Variants in TXNRD1 observed in about 807,000 individuals in gnomAD.
TXNRD1 encodes the protein thioredoxin reductase 1.
A neutral mutation model predicts 80.3 loss-of-function variants in TXNRD1; 57 were observed. That is an observed-to-expected ratio of 0.71 (90% confidence interval 0.57 to 0.89). The LOEUF is 0.89. TXNRD1 is among the 40% of genes least tolerant of loss of function. TXNRD1 has a pLI of 0.00. For synonymous variants in TXNRD1, 291 were observed against 285.2 expected, an observed-to-expected ratio of 1.02 and a Z score of -0.20; for missense variants, 730 against 803.0, an observed-to-expected ratio of 0.91 and a Z score of 1.10.
At chr12:104,281,405 T>TA (rs1565875858) in intron 3 of TXNRD1, among the ~76,000 whole-genome samples, 7 of 77,006 alleles carry the variant, frequency 9.1e-5, no homozygotes, top group African/African-American at 2.3e-4. Flanking sequence ...TCCACTTTTT[T>TA]TTTTTTTTTT....
intron 1 of TXNRD1, among the ~76,000 whole-genome samples, chr12:104,240,220 G>A (rs1049456809): frequency 1.3e-5 from 2 of 152,182 alleles, no homozygotes; most frequent in Non-Finnish European, 2.9e-5. Context: ...GTGTGTGTGA[G>A]AAACAGAAAA....
Position 104,323,633 on chromosome 12 carries a change from A to ACC in TXNRD1, c.1216-1698_1216-1697dup, listed in dbSNP as rs545096577. On this transcript the variant is annotated intron_variant, in intron 10 of 16. Transcript: ENST00000525566. ...GGCGGCTGGCCGGGCAGGGGGGCTG[A>ACC]CCCCCCCACCTCCCTCCCGGACGGG... Among the ~76,000 whole-genome samples, 2 of 17,882 alleles carry ACC rather than the reference A, an allele frequency of 1.1e-4. 1 individual carries two copies. Among genetic ancestry groups the ACC allele is most frequent in the Admixed American group, 8.8e-4 (2 of 2,282 alleles). 11.7% of individuals were successfully genotyped at this position (17,882 alleles called of 152,430 possible). A position where few individuals can be genotyped will look rare whatever the true frequency, so the allele number is the denominator to read the frequency against.
chr12:104,279,491 A>C (rs1005018676), intron 3 of TXNRD1, among the ~76,000 whole-genome samples: 2 of 152,066 alleles, frequency 1.3e-5, no homozygotes, highest in African/African-American at 4.8e-5. Context: ...GATTGAGGAG[A>C]AGTTTGGGTG....
In TXNRD1 at chr12:104,321,319, A is replaced by G; in HGVS notation, c.1215+3A>G. On this transcript the variant is annotated splice_donor_region_variant and intron_variant, in intron 10 of 16. Transcript: ENST00000525566. ...TAAGACAGTTCGTACCAATTAAAGT[A>G]AGTGGGTTTGCCTGTAGGTTTCTTG... is the stretch of plus-strand genomic sequence containing the variant. 4 of 1,612,822 alleles carry G rather than the reference A, an allele frequency of 2.5e-6. No homozygotes were observed. The highest frequency in any genetic ancestry group is 2.5e-6 in the Non-Finnish European group (3 of 1,178,846).
chr12:104,323,465 C>T (rs1687200581), intron 10 of TXNRD1, among the ~76,000 whole-genome samples: 1 of 145,700 alleles, frequency 6.9e-6, no homozygotes, highest in African/African-American at 2.5e-5. Context: ...TCCTCACTTC[C>T]CAGTAGGGGC....
intron 6 of TXNRD1, among the ~76,000 whole-genome samples, chr12:104,314,738 C>CTTTTTTTT (rs11330431): frequency 3.9e-5 from 4 of 103,662 alleles, no homozygotes; most frequent in Non-Finnish European, 7.5e-5. Flanking sequence ...AAATTTTTTT[C>CTTTTTTTT]TTTTTTTTTT....
intron 4 of TXNRD1, among the ~76,000 whole-genome samples, chr12:104,307,358 G>C (rs1160519811): frequency 2.0e-5 from 3 of 152,232 alleles, no homozygotes; most frequent in African/African-American, 7.2e-5. Context: ...GGGAAGCTCA[G>C]CGGAGGACAC....
chr12:104,298,294 G>A (rs2034500109), intron 4 of TXNRD1, among the ~76,000 whole-genome samples: 3 of 152,108 alleles, frequency 2.0e-5, no homozygotes, highest in Non-Finnish European at 2.9e-5. Flanking sequence ...ACCCTTCAAA[G>A]TGTTACTGTA....
At chr12:104,346,031 A>G in intron 16 of TXNRD1, 4 of 1,279,460 alleles carry the variant, frequency 3.1e-6, no homozygotes, top group Non-Finnish European at 4.1e-6. Flanking sequence ...TTTTTCATTT[A>G]TTTGAGATAG....
chr12:104,254,644 A>AAATATATATATATATATATAT, intron 2 of TXNRD1, among the ~76,000 whole-genome samples: 73 of 93,606 alleles, frequency 7.8e-4, no homozygotes, highest in Non-Finnish European at 1.3e-3. Flanking sequence ...AAAAAAAAAA[A>AAATATATATATATATATATAT]ATATATATAT....
chr12:104,304,487 C>CG (rs2034798929), intron 4 of TXNRD1: 2 of 1,613,906 alleles, frequency 1.2e-6, no homozygotes, highest in East Asian at 4.5e-5. Context: ...ACCAAAGCCC[C>CG]GACTTGAACA....
chr12:104,314,427 A>C (rs2035243023), intron 6 of TXNRD1, among the ~76,000 whole-genome samples: 1 of 152,200 alleles, frequency 6.6e-6, no homozygotes, highest in African/African-American at 2.4e-5. Context: ...TCTGTGTCAG[A>C]CACTGCTCTT....
At chr12:104,346,746 T>G (rs1233944936) in intron 16 of TXNRD1, among the ~76,000 whole-genome samples, 1 of 152,184 alleles carries the variant, frequency 6.6e-6, no homozygotes, top group Non-Finnish European at 1.5e-5. Context: ...ATAAGAGTGC[T>G]AATTAAAATG....
intron 4 of TXNRD1, chr12:104,304,626 A>C (rs749111044): frequency 3.1e-6 from 5 of 1,613,890 alleles, no homozygotes; most frequent in Non-Finnish European, 4.2e-6. Flanking sequence ...TTGCAAACCT[A>C]CTTTCGAAAG....
At chr12:104,247,971 G>A (rs1181826776) in intron 1 of TXNRD1, among the ~76,000 whole-genome samples, 1 of 152,186 alleles carries the variant, frequency 6.6e-6, no homozygotes. Flanking sequence ...TTGGCCTAGT[G>A]ACCCCAGATG....
At chr12:104,227,856 A>G (rs764502235) in intron 1 of TXNRD1, among the ~76,000 whole-genome samples, 17 of 152,212 alleles carry the variant, frequency 1.1e-4, no homozygotes, top group Admixed American at 5.9e-4. Flanking sequence ...ATGTGTATCT[A>G]TAGTTTACTT....
chr12:104,312,218 G>A (rs2035163898), intron 5 of TXNRD1, among the ~76,000 whole-genome samples: 1 of 152,212 alleles, frequency 6.6e-6, no homozygotes, highest in South Asian at 2.1e-4. Flanking sequence ...TTTGCTTTTT[G>A]TATATGTGAG....
At chr12:104,330,947 A>G (rs2035927415) in intron 13 of TXNRD1, among the ~76,000 whole-genome samples, 1 of 152,186 alleles carries the variant, frequency 6.6e-6, no homozygotes, top group African/African-American at 2.4e-5. Context: ...AGCAATGTTC[A>G]GTTAATACAT....
intron 3 of TXNRD1, among the ~76,000 whole-genome samples, chr12:104,276,145 A>G (rs2033752467): frequency 6.6e-6 from 1 of 152,192 alleles, no homozygotes; most frequent in South Asian, 2.1e-4. Context: ...TTGAAGGCGG[A>G]ATGGCTTAAA....
Sources: allele counts gnomAD v4.1 joint callset (sites outside exome capture counted in the v4.1 genomes callset), GRCh38; gene constraint gnomAD v4.1.1; transcripts MANE v1.5; gene names NCBI Gene and HGNC (gene_info 2026-07-23, HGNC 2026-07-21).